BBS9: variants seen among roughly 807,000 people sequenced by gnomAD.
The protein encoded by BBS9 is protein PTHB1.
BBS9 carries 89 observed loss-of-function variants against 117.7 expected under a neutral mutation model. The ratio of observed to expected loss-of-function variants is 0.76; its 90% CI spans 0.64 to 0.90. The LOEUF (loss-of-function observed/expected upper bound fraction) is 0.90, where lower values mean the gene tolerates loss of function less well. BBS9 is among the 40% of genes least tolerant of loss of function. BBS9 has a pLI of 0.00. For synonymous variants in BBS9, 379 were observed against 370.9 expected, an observed-to-expected ratio of 1.02 and a Z score of -0.25; for missense variants, 982 against 1,042.2, an observed-to-expected ratio of 0.94 and a Z score of 0.80.
chr7:33,507,842 A>T (rs1024800622), intron 20 of BBS9, among the ~76,000 whole-genome samples: 2 of 152,208 alleles, frequency 1.3e-5, no homozygotes, highest in African/African-American at 2.4e-5. Flanking sequence ...GTAGGGGAAG[A>T]GGTGATAAAG....
In BBS9 at chr7:33,548,872, A is replaced by G. The variant is rs913939843; in HGVS notation, c.2521+14696A>G. Among the ~76,000 whole-genome samples the G allele has an allele frequency of 5.0e-4, 76 of 150,664 alleles. 1 individual carries two copies. The highest frequency in any genetic ancestry group is 1.4e-3 in the African/African-American group (57 of 40,768). On this transcript the variant is annotated intron_variant, in intron 21 of 22. Transcript: ENST00000242067. ...CTGCCCAAGGTAATTTACAGATTCAATGCCATCCCCATCAAGCTACCAATG... is the reference window on the plus strand; with the variant it reads ...CTGCCCAAGGTAATTTACAGATTCAGTGCCATCCCCATCAAGCTACCAATG...
At chr7:33,438,960 A>C (rs1227989099) in intron 19 of BBS9, among the ~76,000 whole-genome samples, 1 of 152,208 alleles carries the variant, frequency 6.6e-6, no homozygotes, top group Admixed American at 6.5e-5. Flanking sequence ...GTAGGTACCC[A>C]CAGGATTTTT....
intron 9 of BBS9, among the ~76,000 whole-genome samples, chr7:33,297,866 G>A (rs1017640090): frequency 1.3e-5 from 2 of 152,034 alleles, no homozygotes; most frequent in African/African-American, 2.4e-5. Context: ...AAAACTTCTT[G>A]GACAATTATA....
chr7:33,513,192 G>A (rs1230635059), intron 20 of BBS9, among the ~76,000 whole-genome samples: 1 of 152,172 alleles, frequency 6.6e-6, no homozygotes, highest in African/African-American at 2.4e-5. Flanking sequence ...TCAAGCCAGA[G>A]CGAAGAAGGA....
chr7:33,256,876 C>T (rs1797161622), intron 5 of BBS9, among the ~76,000 whole-genome samples: 1 of 152,074 alleles, frequency 6.6e-6, no homozygotes, highest in African/African-American at 2.4e-5. Flanking sequence ...ATTAGGGATA[C>T]TAATGTATCT....
chr7:33,410,251 G>T (rs954460008), intron 19 of BBS9, among the ~76,000 whole-genome samples: 2 of 151,966 alleles, frequency 1.3e-5, no homozygotes, highest in Non-Finnish European at 2.9e-5. Flanking sequence ...TTCTCTTTAG[G>T]GCGTGGAATC....
At chr7:33,179,344 A>G (rs934440338) in intron 5 of BBS9, among the ~76,000 whole-genome samples, 16 of 152,208 alleles carry the variant, frequency 1.1e-4, no homozygotes, top group Non-Finnish European at 2.1e-4. Flanking sequence ...CCTGTTAGGA[A>G]CCGGGTTTCA....
chr7:33,201,294 C>G (rs1785807859), intron 5 of BBS9, among the ~76,000 whole-genome samples: 1 of 152,130 alleles, frequency 6.6e-6, no homozygotes, highest in African/African-American at 2.4e-5. Flanking sequence ...TCACCCTCTT[C>G]AGAATATGTG....
chr7:33,269,593 T>C (rs7803065), intron 7 of BBS9, among the ~76,000 whole-genome samples: 125,917 of 152,086 alleles, frequency 0.83, 52,178 homozygotes, highest in Admixed American at 0.86. Flanking sequence ...AAGCTGTGAT[T>C]TACAGCCAGC....
intron 9 of BBS9, among the ~76,000 whole-genome samples, chr7:33,313,197 T>C (rs1355757865): frequency 2.0e-5 from 3 of 151,842 alleles, no homozygotes; most frequent in Non-Finnish European, 4.4e-5. Flanking sequence ...CACTGTCTGA[T>C]TTTTTTGGTC....
At chr7:33,314,729 A>G (rs1299011249) in intron 9 of BBS9, among the ~76,000 whole-genome samples, 3 of 152,208 alleles carry the variant, frequency 2.0e-5, no homozygotes, top group South Asian at 2.1e-4. Context: ...CACAAATTCA[A>G]TCTCACATAG....
At chr7:33,553,452 T>C (rs1854778450) in intron 21 of BBS9, among the ~76,000 whole-genome samples, 3 of 152,202 alleles carry the variant, frequency 2.0e-5, no homozygotes, top group African/African-American at 7.2e-5. Context: ...CTGTCTACTA[T>C]ATATTTTCTG....
At chr7:33,133,547 G>A (rs1420149) in intron 1 of BBS9, among the ~76,000 whole-genome samples, 30,226 of 152,066 alleles carry the variant, frequency 0.2, 3,176 homozygotes, top group Non-Finnish European at 0.23. Flanking sequence ...CTTTAACTTA[G>A]CATGTTTTTA....
Position 33,132,472 on chromosome 7 carries a change from A to G in BBS9, c.-12+2431A>G, listed in dbSNP as rs1005980663. ...TTAAAAACCTGGTTTTTATTTTCCA[A>G]TTACTTAAAGACAAATCAGTGAGCA... On this transcript the variant is annotated intron_variant, in intron 1 of 22. Transcript: ENST00000242067. Among the ~76,000 whole-genome samples, 6 of 152,306 alleles carry G rather than the reference A, an allele frequency of 3.9e-5. No homozygotes were observed. The East Asian group carries it at 5.8e-4, about 15-fold the overall frequency.
chr7:33,162,914 C>G (rs956535831), intron 4 of BBS9, among the ~76,000 whole-genome samples: 1 of 152,168 alleles, frequency 6.6e-6, no homozygotes, highest in Non-Finnish European at 1.5e-5. Flanking sequence ...TGCCTGTTTT[C>G]AAAGGGAATG....
chr7:33,408,788 C>G (rs893334487), intron 19 of BBS9, among the ~76,000 whole-genome samples: 1 of 152,212 alleles, frequency 6.6e-6, no homozygotes, highest in Non-Finnish European at 1.5e-5. Context: ...AATCTCCATA[C>G]TGCTCCCCAC....
At chr7:33,202,764 C>T (rs959491499) in intron 5 of BBS9, among the ~76,000 whole-genome samples, 2 of 152,174 alleles carry the variant, frequency 1.3e-5, no homozygotes, top group African/African-American at 4.8e-5. Context: ...CAGGCACCTC[C>T]TCCAACATTG....
At chr7:33,367,184 C>G (rs1384686040) in intron 16 of BBS9, among the ~76,000 whole-genome samples, 1 of 152,034 alleles carries the variant, frequency 6.6e-6, no homozygotes, top group East Asian at 1.9e-4. Context: ...AGGATAAATG[C>G]TTGGTTCTTT....
intron 19 of BBS9, among the ~76,000 whole-genome samples, chr7:33,391,975 A>G (rs1467276065): frequency 2.0e-4 from 30 of 152,192 alleles, no homozygotes; most frequent in Non-Finnish European, 4.0e-4. Context: ...CCAAGAGTAT[A>G]TGAATATCAA....
Sources: allele counts gnomAD v4.1 joint callset (sites outside exome capture counted in the v4.1 genomes callset), GRCh38; gene constraint gnomAD v4.1.1; transcripts MANE v1.5; gene names NCBI Gene and HGNC (gene_info 2026-07-23, HGNC 2026-07-21).